MKNK1: variants seen among roughly 807,000 people sequenced by gnomAD.
MKNK1 encodes MAP kinase-interacting serine/threonine-protein kinase 1.
Under a neutral mutation model 49.3 loss-of-function variants are expected in MKNK1, and 30 were observed. The observed-to-expected ratio is 0.61, with a 90% confidence interval of 0.46 to 0.83. The LOEUF is 0.83. Ranked by LOEUF, MKNK1 falls within the 40% of genes least tolerant of loss-of-function variation. The pLI is 0.00. For synonymous variants in MKNK1, 176 were observed against 201.7 expected, an observed-to-expected ratio of 0.87 and a Z score of 1.08; for missense variants, 423 against 524.7, an observed-to-expected ratio of 0.81 and a Z score of 1.89.
chr1:46,599,683 G>A (rs1674497474), intron 1 of MKNK1, among the ~76,000 whole-genome samples: 1 of 152,194 alleles, frequency 6.6e-6, no homozygotes, highest in African/African-American at 2.4e-5. Flanking sequence ...GCATAAGGAA[G>A]ATAACATGGG....
chr1:46,561,780 C>T, intron 10 of MKNK1, 138 bp from the exon 11 acceptor site: 1 of 916,784 alleles, frequency 1.1e-6, no homozygotes, highest in Non-Finnish European at 1.6e-6. Context: ...AGACTGGGGC[C>T]TCTTCCCAGA....
intron 2 of MKNK1, among the ~76,000 whole-genome samples, chr1:46,588,724 G>A (rs1672933005): frequency 6.6e-6 from 1 of 150,518 alleles, no homozygotes; most frequent in Admixed American, 6.6e-5. Flanking sequence ...GGAGAATGGC[G>A]TAAACCCCGG....
intron 4 of MKNK1, chr1:46,580,311 G>A (rs1160460053): frequency 1.8e-6 from 1 of 540,560 alleles, no homozygotes; most frequent in Non-Finnish European, 3.3e-6. Flanking sequence ...TTCTACATAG[G>A]TTCTAGTATT....
intron 2 of MKNK1, chr1:46,586,276 C>T (rs12092171): frequency 0.037 from 10,605 of 290,062 alleles, 289 homozygotes; most frequent in African/African-American, 0.081. Context: ...CATCAAAAGC[C>T]GGCTCGATAG....
chr1:46,564,694 C>G (rs1302966113), intron 9 of MKNK1, among the ~76,000 whole-genome samples: 2 of 152,022 alleles, frequency 1.3e-5, no homozygotes, highest in African/African-American at 4.8e-5. Flanking sequence ...AGGCTGGTCT[C>G]AAACTCCTGA....
intron 5 of MKNK1, chr1:46,576,010 G>A (rs902753883): frequency 1.3e-5 from 2 of 152,658 alleles, no homozygotes; most frequent in African/African-American, 4.8e-5. Flanking sequence ...AGAGGGGGAA[G>A]TGGAGTCTTA....
At chr1:46,586,164 G>T in intron 2 of MKNK1, 1 of 348,412 alleles carries the variant, frequency 2.9e-6, no homozygotes, top group Non-Finnish European at 5.7e-6. Flanking sequence ...AATTCATCAT[G>T]CAAACACTCA....
chr1:46,568,793 C>T (rs1325513983), intron 7 of MKNK1: 2 of 435,404 alleles, frequency 4.6e-6, no homozygotes, highest in Non-Finnish European at 4.2e-6. Flanking sequence ...AAGAAGAAGG[C>T]CTAATGCAGA....
chr1:46,560,822 C>A (rs572566850), intron 11 of MKNK1, among the ~76,000 whole-genome samples: 3 of 152,288 alleles, frequency 2.0e-5, no homozygotes, highest in Non-Finnish European at 4.4e-5. Flanking sequence ...CCATCTGCAA[C>A]ATAGGATGGC....
chr1:46,565,707 G>A (rs1486965393), intron 8 of MKNK1, among the ~76,000 whole-genome samples: 2 of 152,214 alleles, frequency 1.3e-5, no homozygotes, highest in Non-Finnish European at 2.9e-5. Context: ...CACCAGAACT[G>A]GATGCTGTGC....
chr1:46,590,702 T>C (rs1289722921), intron 2 of MKNK1, among the ~76,000 whole-genome samples: 3 of 152,216 alleles, frequency 2.0e-5, no homozygotes, highest in Non-Finnish European at 4.4e-5. Context: ...TGCTTTTGTT[T>C]ATAAACCTTA....
At chr1:46,587,688 A>G (rs1200925208) in intron 2 of MKNK1, among the ~76,000 whole-genome samples, 1 of 152,144 alleles carries the variant, frequency 6.6e-6, no homozygotes, top group East Asian at 1.9e-4. Context: ...ATGGTGGTGC[A>G]TGCCTGTAAT....
In MKNK1 at chr1:46,558,416, A is replaced by G. The variant is rs1667340239; in HGVS notation, c.*159T>C. On this transcript the variant is annotated 3_prime_UTR_variant, in exon 13 of 13. Coordinates refer to ENST00000371945, the MANE Select transcript of MKNK1 (RefSeq NM_001135553.4). ...CTTTTTCCTCCAGGACCCTAGGGAA[A>G]TGGGGGTTGATGGGAACCTCAGGGC... The G allele has an allele frequency of 1.5e-6, 1 of 688,014 alleles. No homozygotes were observed. Among genetic ancestry groups the G allele is most frequent in the Non-Finnish European group, 2.3e-6 (1 of 433,118 alleles). 42.6% of individuals were successfully genotyped at this position (688,014 alleles called of 1,614,324 possible). A position where few individuals can be genotyped will look rare whatever the true frequency, so the allele number is the denominator to read the frequency against.
chr1:46,590,071 T>G (rs1163177213), intron 2 of MKNK1, among the ~76,000 whole-genome samples: 5 of 152,152 alleles, frequency 3.3e-5, no homozygotes, highest in African/African-American at 1.2e-4. Context: ...CCACAAGAGC[T>G]TTCTTGAGAA....
At chr1:46,570,377 C>T (rs1669888377) in intron 7 of MKNK1, 1 of 152,240 alleles carries the variant, frequency 6.6e-6, no homozygotes, top group Non-Finnish European at 1.5e-5. Flanking sequence ...CTTTCAGAAA[C>T]AGAGCTGATG....
intron 4 of MKNK1, among the ~76,000 whole-genome samples, chr1:46,576,922 A>AG (rs1392225112): frequency 6.6e-6 from 1 of 152,238 alleles, no homozygotes; most frequent in African/African-American, 2.4e-5. Flanking sequence ...CCAGCTGCCC[A>AG]GGGGAGACTG....
chr1:46,566,347 C>G (rs1669061578), intron 8 of MKNK1, among the ~76,000 whole-genome samples: 1 of 152,208 alleles, frequency 6.6e-6, no homozygotes, highest in African/African-American at 2.4e-5. Flanking sequence ...CATTTTATGG[C>G]TGACTAGTAT....
At chr1:46,586,607 C>T (rs981674335) in intron 2 of MKNK1, among the ~76,000 whole-genome samples, 3 of 152,118 alleles carry the variant, frequency 2.0e-5, no homozygotes, top group Admixed American at 1.3e-4. Flanking sequence ...AAATGACATG[C>T]ATACTGTTAG....
chr1:46,561,443 A>G (rs1553194275), intron 11 of MKNK1, 35 bp downstream of exon 11: 2 of 1,574,968 alleles, frequency 1.3e-6, no homozygotes, highest in South Asian at 2.3e-5. Context: ...ACAGGCCTGA[A>G]GTGGTGGAAA....
Sources: allele counts gnomAD v4.1 joint callset (sites outside exome capture counted in the v4.1 genomes callset), GRCh38; gene constraint gnomAD v4.1.1; transcripts MANE v1.5; gene names NCBI Gene and HGNC (gene_info 2026-07-23, HGNC 2026-07-21).